FOXP1: variants seen among roughly 807,000 people sequenced by gnomAD.
FOXP1 encodes the protein forkhead box P1.
In FOXP1, 15 loss-of-function variants were observed where a neutral mutation model predicts 98.2. The observed-to-expected ratio is 0.15, with a 90% CI of 0.10 to 0.24. The LOEUF is 0.24. FOXP1 is among the 10% of genes least tolerant of loss of function. The pLI is 1.00. For missense variants in FOXP1, 633 were observed against 848.5 expected, an observed-to-expected ratio of 0.75 and a Z score of 3.15; for synonymous variants, 371 against 314.5, an observed-to-expected ratio of 1.18 and a Z score of -1.90.
chr3:71,198,043 G>C, intron 6 of FOXP1, 159 bp downstream of exon 6: 2 of 1,614,238 alleles, frequency 1.2e-6, no homozygotes, highest in Non-Finnish European at 1.7e-6. Context: ...GGGACTCCTA[G>C]AGGGCTGATG....
chr3:71,206,460 G>A lies in FOXP1; in HGVS notation c.-11-8068C>T, dbSNP rs140812332. On this transcript the variant is annotated intron_variant, in intron 5 of 20. Transcript: ENST00000649528. ...TGGACAATTCAGATGGGCTGGAGAA[G>A]GTAGACAATGGGATGTTTAATTTTC... Among the ~76,000 whole-genome samples, 357 of 152,294 alleles carry A rather than the reference G, an allele frequency of 2.3e-3. 1 individual carries two copies. The highest frequency in any genetic ancestry group is 7.9e-3 in the African/African-American group (327 of 41,552).
intron 3 of FOXP1, among the ~76,000 whole-genome samples, chr3:71,383,688 T>C (rs567237468): frequency 3.3e-5 from 5 of 152,164 alleles, no homozygotes; most frequent in Non-Finnish European, 5.9e-5. Context: ...ATTTTACTAG[T>C]CAGCTCATCC....
chr3:71,034,405 G>T (rs1314903383), intron 11 of FOXP1, among the ~76,000 whole-genome samples: 2 of 152,088 alleles, frequency 1.3e-5, no homozygotes, highest in African/African-American at 4.8e-5. Flanking sequence ...CTCAGGTCTA[G>T]TCCCTGTATG....
At chr3:71,354,290 A>AG (rs1433874624) in intron 4 of FOXP1, among the ~76,000 whole-genome samples, 4 of 152,040 alleles carry the variant, frequency 2.6e-5, no homozygotes, top group South Asian at 2.1e-4. Context: ...GAAAAAAAAA[A>AG]AGAGAGAGAG....
At chr3:70,995,618 A>C (rs2041254740) in intron 13 of FOXP1, among the ~76,000 whole-genome samples, 1 of 152,224 alleles carries the variant, frequency 6.6e-6, no homozygotes, top group Admixed American at 6.5e-5. Context: ...CACACCTCTC[A>C]GGGTTTACAC....
chr3:71,152,778 G>A (rs949070177), intron 6 of FOXP1, among the ~76,000 whole-genome samples: 1 of 152,178 alleles, frequency 6.6e-6, no homozygotes, highest in Non-Finnish European at 1.5e-5. Flanking sequence ...CCAGGGCCTG[G>A]CACACAACTC....
chr3:71,583,465 CTTT>C (rs1195207970), intron 1 of FOXP1, 103 bp downstream of exon 1: 24 of 735,056 alleles, frequency 3.3e-5, no homozygotes, highest in South Asian at 1.2e-4. Flanking sequence ...TTCTTTCTTT[CTTT>C]TTTTTTTTTT....
chr3:71,042,750 C>T (rs2048521130), intron 10 of FOXP1, among the ~76,000 whole-genome samples: 1 of 152,130 alleles, frequency 6.6e-6, no homozygotes, highest in Non-Finnish European at 1.5e-5. Flanking sequence ...AAAAAGAAGG[C>T]TGTGTGCATT....
intron 2 of FOXP1, among the ~76,000 whole-genome samples, chr3:71,575,583 C>G (rs886913481): frequency 6.6e-6 from 1 of 152,192 alleles, no homozygotes; most frequent in African/African-American, 2.4e-5. Flanking sequence ...TCTGTGCTCA[C>G]CCCCAGGAGG....
intron 11 of FOXP1, among the ~76,000 whole-genome samples, chr3:71,039,546 C>A (rs1054259261): frequency 6.6e-6 from 1 of 152,100 alleles, no homozygotes; most frequent in African/African-American, 2.4e-5. Flanking sequence ...TGTGCAGGCT[C>A]CACAACAGCC....
At chr3:71,497,708 G>A (rs2091513819) in intron 2 of FOXP1, among the ~76,000 whole-genome samples, 1 of 152,138 alleles carries the variant, frequency 6.6e-6, no homozygotes, top group Non-Finnish European at 1.5e-5. Context: ...TACTTTAGGG[G>A]AAGGAATTAT....
At chr3:70,999,740 G>T (rs1449568698) in intron 13 of FOXP1, among the ~76,000 whole-genome samples, 6 of 152,098 alleles carry the variant, frequency 3.9e-5, no homozygotes, top group Admixed American at 3.9e-4. Flanking sequence ...GTGTATTTTG[G>T]CTGATTTTTC....
chr3:71,015,755 T>C (rs1232081622), intron 11 of FOXP1, 102 bp from the exon 12 acceptor site: 3 of 729,538 alleles, frequency 4.1e-6, no homozygotes, highest in South Asian at 1.5e-5. Context: ...TGGCCAAATG[T>C]GGACAAGACA....
chr3:70,958,257 AC>A lies in FOXP1; in HGVS notation c.*989del, dbSNP rs1218460253. ...ATCCGAAACACCCCTCCCCCGAACC[AC>A]CCCCAATACTGCTGCGTGGAATGAA... is the stretch of plus-strand genomic sequence containing the variant. On this transcript the variant is annotated 3_prime_UTR_variant, in exon 21 of 21. Transcript: ENST00000649528. 2.0e-6 allele frequency: 1 copy of A among 510,852 alleles called. No individual in the cohort carries two copies. Among genetic ancestry groups the A allele is most frequent in the African/African-American group, 2.0e-5 (1 of 51,206 alleles). 31.6% of individuals were successfully genotyped at this position (510,852 alleles called of 1,614,324 possible).
intron 2 of FOXP1, among the ~76,000 whole-genome samples, chr3:71,515,385 G>A (rs1454431176): frequency 7.9e-6 from 1 of 127,040 alleles, no homozygotes; most frequent in Non-Finnish European, 1.6e-5. Context: ...TAAAAGAAAC[G>A]TTCAACTAAA....
intron 6 of FOXP1, among the ~76,000 whole-genome samples, chr3:71,150,176 C>T (rs924115074): frequency 1.3e-5 from 2 of 152,284 alleles, no homozygotes; most frequent in African/African-American, 4.8e-5. Flanking sequence ...AGCCACAAAT[C>T]GGCTCTGCTG....
At chr3:71,352,069 C>T (rs965753148) in intron 4 of FOXP1, among the ~76,000 whole-genome samples, 2 of 152,136 alleles carry the variant, frequency 1.3e-5, no homozygotes, top group Non-Finnish European at 2.9e-5. Flanking sequence ...GCTCCACATG[C>T]AGTCCTAGAG....
chr3:71,001,593 G>C (rs188275371), intron 12 of FOXP1, among the ~76,000 whole-genome samples: 1 of 152,216 alleles, frequency 6.6e-6, no homozygotes, highest in Admixed American at 6.5e-5. Context: ...ACCAATGGTG[G>C]GGGGTGGGGG....
chr3:71,318,058 T>C (rs1391196209), intron 4 of FOXP1, among the ~76,000 whole-genome samples: 1 of 152,130 alleles, frequency 6.6e-6, no homozygotes, highest in Non-Finnish European at 1.5e-5. Context: ...ACACACTTTA[T>C]ATAACCCTGT....
Sources: allele counts gnomAD v4.1 joint callset (sites outside exome capture counted in the v4.1 genomes callset), GRCh38; gene constraint gnomAD v4.1.1; transcripts MANE v1.5; gene names NCBI Gene and HGNC (gene_info 2026-07-23, HGNC 2026-07-21).